The following WDFY3 variants were observed in gnomAD, a reference collection of about 807,000 sequenced individuals.
The protein encoded by WDFY3 is WD repeat and FYVE domain-containing protein 3.
WDFY3 carries 66 observed loss-of-function variants against 409.6 expected under a neutral mutation model. That is an observed-to-expected ratio of 0.16 (90% CI 0.13 to 0.20). The LOEUF is 0.20. Among genes scored for constraint, WDFY3 ranks in the 10% least tolerant of loss-of-function variants. The pLI is 1.00. For synonymous variants in WDFY3, 1,521 were observed against 1,537.1 expected, an observed-to-expected ratio of 0.99 and a Z score of 0.25; for missense variants, 3,031 against 4,298.1, an observed-to-expected ratio of 0.71 and a Z score of 8.24.
At chr4:84,701,171 T>C (rs1046979611) in intron 56 of WDFY3, among the ~76,000 whole-genome samples, 38 of 152,236 alleles carry the variant, frequency 2.5e-4, no homozygotes, top group African/African-American at 8.7e-4. Context: ...TTGTTGATTG[T>C]TCTCGTTGAC....
At position 84,678,219 on chromosome 4, in the gene WDFY3, T is replaced by A. The variant is rs770414098; in HGVS notation, c.10208A>T (p.Asp3403Val). 6.2e-7 allele frequency: 1 copy of A among 1,614,098 alleles called. No individual in the cohort carries two copies. The highest frequency in any genetic ancestry group is 8.5e-7 in the Non-Finnish European group (1 of 1,180,018). The stretch of plus-strand genomic sequence containing the variant: ...AGCTGGGTGTGCATTGTCCTTTCGA[T>A]CAAAGGCTGTGTGCATAGTCAGCTT... ...RSKLTMHTAF[D>V]RKDNAHPAEV... Residue 3403 changes from aspartate (D) to valine (V), a missense_variant, in exon 66 of 68, where the codon GAT (aspartate) becomes GTT (valine). Asp to Val is a radical substitution (Grantham distance 152, BLOSUM62 -3). Around this residue, in one of 16 missense-constraint regions of WDFY3, gnomAD observed 378 missense variants for 477.3 expected, o/e 0.79. Transcript: ENST00000295888.
chr4:84,938,208 T>A (rs915185787), intron 1 of WDFY3, among the ~76,000 whole-genome samples: 2 of 152,134 alleles, frequency 1.3e-5, no homozygotes, highest in Non-Finnish European at 2.9e-5. Context: ...TAACATTTTT[T>A]AAAATAAATA....
At chr4:84,769,151 A>G (rs992817738) in intron 30 of WDFY3, among the ~76,000 whole-genome samples, 1 of 152,204 alleles carries the variant, frequency 6.6e-6, no homozygotes, top group Non-Finnish European at 1.5e-5. Flanking sequence ...ACAGATGAAC[A>G]AGAAAGTGGT....
At chr4:84,850,561 C>T (rs920691683) in intron 4 of WDFY3, among the ~76,000 whole-genome samples, 1 of 152,194 alleles carries the variant, frequency 6.6e-6, no homozygotes, top group African/African-American at 2.4e-5. Context: ...TGGTGATCCG[C>T]CTGCCTCAGC....
intron 15 of WDFY3, among the ~76,000 whole-genome samples, chr4:84,806,143 T>C (rs1253130138): frequency 6.6e-6 from 1 of 152,190 alleles, no homozygotes; most frequent in Non-Finnish European, 1.5e-5. Context: ...AAGAAAAAGA[T>C]GTCTATAAGC....
At chr4:84,897,131 C>T (rs1203797272) in intron 2 of WDFY3, 121 bp from the exon 3 acceptor site, 5 of 152,214 alleles carry the variant, frequency 3.3e-5, no homozygotes, top group African/African-American at 1.2e-4. Flanking sequence ...TGGTTGGATA[C>T]TGGAATCAAC....
intron 19 of WDFY3, 125 bp from the exon 20 acceptor site, chr4:84,795,104 T>C: frequency 1.7e-6 from 1 of 586,072 alleles, no homozygotes; most frequent in Non-Finnish European, 2.6e-6. Flanking sequence ...ATGGAATAAA[T>C]CTGGATGCCT....
chr4:84,787,629 G>A lies in WDFY3; in HGVS notation c.3754C>T (p.Pro1252Ser). Residue 1252 changes from proline to serine, a missense_variant, in exon 23 of 68, where the codon CCA (proline) becomes TCA (serine). Pro to Ser is a moderately conservative substitution (Grantham distance 74, BLOSUM62 -1). Transcript: ENST00000295888. ...GAGGCAATTTGGCGTTGGGCAGGTGGAGTACCAATGTAGGCATAGACCGTG... is the reference window on the plus strand; with the variant it reads ...GAGGCAATTTGGCGTTGGGCAGGTGAAGTACCAATGTAGGCATAGACCGTG... ...VSTVYAYIGT[P>S]PAQRQIASLV... 6.2e-7 allele frequency: 1 copy of A among 1,614,176 alleles called. No homozygotes were observed. The highest frequency in any genetic ancestry group is 8.5e-7 in the Non-Finnish European group (1 of 1,180,034).
chr4:84,809,714 AAAAC>A, intron 14 of WDFY3, 169 bp downstream of exon 14: 2 of 582,184 alleles, frequency 3.4e-6, no homozygotes, highest in Non-Finnish European at 5.5e-6. Context: ...AAAAAAAAAA[AAAAC>A]AATACCAGAG....
intron 5 of WDFY3, among the ~76,000 whole-genome samples, chr4:84,847,407 G>A (rs1184063815): frequency 6.6e-6 from 1 of 151,728 alleles, no homozygotes; most frequent in African/African-American, 2.4e-5. Flanking sequence ...AAAACAAATT[G>A]ATAAAAAAAC....
intron 2 of WDFY3, among the ~76,000 whole-genome samples, chr4:84,921,611 A>T (rs1769284481): frequency 6.8e-6 from 1 of 146,252 alleles, no homozygotes; most frequent in Non-Finnish European, 1.5e-5. Context: ...TCTATTATTT[A>T]TAAGCAAATA....
At chr4:84,801,385 C>T (rs371187111) in intron 17 of WDFY3, among the ~76,000 whole-genome samples, 15 of 152,160 alleles carry the variant, frequency 9.9e-5, no homozygotes, top group East Asian at 5.8e-4. Context: ...ATAAAGTAAA[C>T]GCATGACTTC....
chr4:84,915,262 C>T (rs575600481), intron 2 of WDFY3, among the ~76,000 whole-genome samples: 1 of 152,172 alleles, frequency 6.6e-6, no homozygotes, highest in Middle Eastern at 3.4e-3. Flanking sequence ...GTGATGGTTA[C>T]CCAACATCCT....
In WDFY3 at chr4:84,958,997, T is replaced by C. The variant is rs540458784; in HGVS notation, c.-226+7212A>G. ...CTGACAGTTATAATAATATAGTATA[T>C]AATGTACTATGTATTATAATAATTG... On this transcript the variant is annotated intron_variant, in intron 1 of 67. Transcript: ENST00000295888. 5.0e-4 allele frequency among the ~76,000 whole-genome samples: 76 copies of C among 152,298 alleles called. 1 individual carries two copies. The South Asian group carries it at 0.015, about 30-fold the overall frequency.
chr4:84,813,709 T>C (rs1476882811), intron 13 of WDFY3, among the ~76,000 whole-genome samples: 1 of 152,168 alleles, frequency 6.6e-6, no homozygotes, highest in African/African-American at 2.4e-5. Flanking sequence ...TTACTTCTTG[T>C]TGGCTTTACT....
At chr4:84,865,002 T>G (rs564835664) in intron 3 of WDFY3, among the ~76,000 whole-genome samples, 5 of 152,074 alleles carry the variant, frequency 3.3e-5, no homozygotes, top group Non-Finnish European at 5.9e-5. Context: ...TTATTCTCCC[T>G]CCTCAGCCTC....
intron 46 of WDFY3, among the ~76,000 whole-genome samples, chr4:84,722,297 G>A (rs1179525909): frequency 6.6e-6 from 1 of 152,100 alleles, no homozygotes; most frequent in Non-Finnish European, 1.5e-5. Context: ...CTGAGGTGGA[G>A]AATCGCTTGA....
chr4:84,846,930 T>C (rs927902119), intron 5 of WDFY3, among the ~76,000 whole-genome samples: 1 of 151,598 alleles, frequency 6.6e-6, no homozygotes, highest in Non-Finnish European at 1.5e-5. Flanking sequence ...CAGAAGTAAA[T>C]AAGCAACTAC....
At chr4:84,962,257 T>C (rs1376099205) in intron 1 of WDFY3, among the ~76,000 whole-genome samples, 2 of 152,228 alleles carry the variant, frequency 1.3e-5, no homozygotes, top group African/African-American at 4.8e-5. Flanking sequence ...TAGCGAATGC[T>C]ATAAATCAGA....
Sources: allele counts gnomAD v4.1 joint callset (sites outside exome capture counted in the v4.1 genomes callset), GRCh38; gene constraint gnomAD v4.1.1; regional missense constraint gnomAD v4.1.1; transcripts MANE v1.5; gene names NCBI Gene and HGNC (gene_info 2026-07-23, HGNC 2026-07-21).